Variants in ATP8B1 observed in about 807,000 individuals in gnomAD.
ATP8B1 encodes the protein ATPase phospholipid transporting 8B1, also known as phospholipid-transporting ATPase IC.
Under a neutral mutation model 149.9 loss-of-function variants are expected in ATP8B1, and 80 were observed. That is an observed-to-expected ratio of 0.53 (90% CI 0.45 to 0.64). ATP8B1 has a LOEUF of 0.64. ATP8B1 is among the 30% of genes least tolerant of loss of function. The pLI is 0.00. For synonymous variants in ATP8B1, 536 were observed against 562.8 expected (o/e 0.95, Z 0.67); for missense variants, 1,247 against 1,552.6 (o/e 0.80, Z 3.31).
chr18:57,741,603 C>T (rs1471752325), intron 1 of ATP8B1, among the ~76,000 whole-genome samples: 2 of 152,202 alleles, frequency 1.3e-5, no homozygotes, highest in South Asian at 2.1e-4. Flanking sequence ...AAGCTGTGCT[C>T]AGACACTTGA....
At chr18:57,707,447 G>A (rs1188145782) in intron 2 of ATP8B1, among the ~76,000 whole-genome samples, 2 of 152,188 alleles carry the variant, frequency 1.3e-5, no homozygotes, top group Non-Finnish European at 2.9e-5. Flanking sequence ...CAAATTGGCA[G>A]AGAAGAGAAA....
intron 15 of ATP8B1, 74 bp from the exon 16 acceptor site, chr18:57,675,096 G>A: frequency 6.7e-7 from 1 of 1,503,056 alleles, no homozygotes; most frequent in African/African-American, 1.4e-5. Context: ...GGCCTCTGCT[G>A]AGGCTCCTGT....
At position 57,649,743 on chromosome 18, in the gene ATP8B1, C is replaced by T. The variant is rs371117510; in HGVS notation, c.3531+624G>A. ...TGGGGCCCTTGGGTGAGAAGTTCCA[C>T]GGCCCCTAAGGAGCTACAGAATAGG... On this transcript the variant is annotated intron_variant, in intron 27 of 27. Coordinates refer to ENST00000648908, the MANE Select transcript of ATP8B1 (RefSeq NM_001374385.1). Among the ~76,000 whole-genome samples the T allele has an allele frequency of 5.3e-5, 8 of 152,232 alleles. No homozygotes were observed. The East Asian group carries it at 9.6e-4, about 18-fold the overall frequency.
chr18:57,661,593 AT>A, intron 21 of ATP8B1, 131 bp from the exon 22 acceptor site: 2 of 921,782 alleles, frequency 2.2e-6, no homozygotes, highest in Non-Finnish European at 3.2e-6. Context: ...AATAAATTTG[AT>A]TTTATAACCA....
rs1025077087 is a variant in ATP8B1, at chr18:57,785,265, T to A, written c.-26+17733A>T. Among the ~76,000 whole-genome samples, 84 of 152,202 alleles carry A rather than the reference T, an allele frequency of 5.5e-4. 1 individual carries two copies. Among genetic ancestry groups the A allele is most frequent in the African/African-American group, 1.8e-3 (76 of 41,440 alleles). On this transcript the variant is annotated intron_variant, in intron 1 of 27. Coordinates refer to ENST00000648908, the MANE Select transcript of ATP8B1 (RefSeq NM_001374385.1). The stretch of plus-strand genomic sequence containing the variant: ...GAGTGGATATAGGTGTTAGCTGGAT[T>A]TTCCCCTGTATGTAAATATTTCATA...
chr18:57,697,823 A>C lies in ATP8B1; in HGVS notation c.599T>G (p.Ile200Ser). The part of the protein sequence containing the change: ...KWKEIQVGDV[I>S]RLKKNDFVPA... ...AACAAAATCATTTTTTTTCAGACGA[A>C]TGACGTCTCCAACTTGAATTTCTTT... The change falls in exon 7 of 28, where the codon ATT becomes AGT. Residue 200 changes from isoleucine to serine, a missense_variant. Ile to Ser is a moderately radical substitution (Grantham distance 142). Transcript: ENST00000648908. 1 of 1,614,094 alleles carries C rather than the reference A, an allele frequency of 6.2e-7. No homozygotes were observed. The highest frequency in any genetic ancestry group is 8.5e-7 in the Non-Finnish European group (1 of 1,179,988).
intron 2 of ATP8B1, among the ~76,000 whole-genome samples, chr18:57,720,126 T>TA (rs1434310965): frequency 6.6e-5 from 10 of 150,388 alleles, no homozygotes. Context: ...CAAAAGTAGA[T>TA]AAAACCACAA....
intron 23 of ATP8B1, among the ~76,000 whole-genome samples, chr18:57,654,812 G>A (rs1020611890): frequency 3.4e-4 from 51 of 148,122 alleles, no homozygotes; most frequent in Non-Finnish European, 1.2e-4. Flanking sequence ...TCAGCCTCCC[G>A]AGTAGCTGGG....
chr18:57,658,882 A>G (rs1910199253), intron 22 of ATP8B1, among the ~76,000 whole-genome samples: 1 of 152,184 alleles, frequency 6.6e-6, no homozygotes, highest in Non-Finnish European at 1.5e-5. Context: ...CAGCTTTTAC[A>G]AAGTACATAA....
intron 15 of ATP8B1, among the ~76,000 whole-genome samples, chr18:57,676,102 G>T (rs2122758292): frequency 6.6e-6 from 1 of 152,166 alleles, no homozygotes; most frequent in East Asian, 1.9e-4. Flanking sequence ...ATACTAATTT[G>T]TTTTCCAAGA....
At chr18:57,659,118 A>G (rs1174731908) in intron 22 of ATP8B1, among the ~76,000 whole-genome samples, 1 of 152,160 alleles carries the variant, frequency 6.6e-6, no homozygotes, top group African/African-American at 2.4e-5. Context: ...TCTACAAAAA[A>G]TACAAAAATT....
intron 27 of ATP8B1, among the ~76,000 whole-genome samples, 170 bp from the exon 28 acceptor site, chr18:57,648,882 G>GTGTGTGTGTGTGTGTGTGTGTATGTGTA (rs61181992): frequency 1.7e-4 from 23 of 134,740 alleles, no homozygotes; most frequent in African/African-American, 6.3e-4. Flanking sequence ...GTGTGTGTGT[G>GTGTGTGTGTGTGTGTGTGTGTATGTGTA]TGTGTATGTG....
At chr18:57,758,693 T>C (rs1306303143) in intron 1 of ATP8B1, among the ~76,000 whole-genome samples, 3 of 151,946 alleles carry the variant, frequency 2.0e-5, no homozygotes, top group African/African-American at 7.3e-5. Context: ...TTCCTTATGT[T>C]TCCTTTTTTC....
chr18:57,782,487 C>A (rs1002184511), intron 1 of ATP8B1, among the ~76,000 whole-genome samples: 6 of 152,214 alleles, frequency 3.9e-5, no homozygotes, highest in African/African-American at 1.4e-4. Flanking sequence ...CATTCTCTGT[C>A]TTGACTACGC....
rs1337978497 is a variant in ATP8B1 at position 57,669,352 on chromosome 18, T to C, written c.2063A>G (p.Asp688Gly). 11 of 1,613,382 alleles carry C rather than the reference T, an allele frequency of 6.8e-6. No individual in the cohort carries two copies. Among genetic ancestry groups the C allele is most frequent in the Non-Finnish European group, 8.5e-6 (10 of 1,179,864 alleles). The change falls in exon 18 of 28, where the codon GAT becomes GGT. Residue 688 changes from aspartate (D) to glycine (G), a missense_variant. Physicochemically the swap from Asp to Gly is moderately conservative, Grantham distance 94. Coordinates refer to ENST00000648908, the MANE Select transcript of ATP8B1 (RefSeq NM_001374385.1). Reference protein sequence around the residue: ...VASTNRDEALDKVYEEIEKDL... With the variant: ...VASTNRDEALGKVYEEIEKDL... ...TTTTTCAATCTCCTCATATACTTTA[T>C]CCAGAGCTTCGTCCCGGTTGGTGGA...
chr18:57,725,251 T>A (rs200330732), intron 2 of ATP8B1, among the ~76,000 whole-genome samples: 23 of 144,582 alleles, frequency 1.6e-4, no homozygotes, highest in East Asian at 4.0e-4. Flanking sequence ...TAAAGTATAA[T>A]AAAAAAAAAA....
At chr18:57,656,891 G>T (rs931899239) in intron 22 of ATP8B1, among the ~76,000 whole-genome samples, 1 of 151,842 alleles carries the variant, frequency 6.6e-6, no homozygotes, top group African/African-American at 2.4e-5. Context: ...AGACAGACAC[G>T]GGGTTCCTGG....
intron 1 of ATP8B1, among the ~76,000 whole-genome samples, chr18:57,772,061 A>C (rs949451608): frequency 6.6e-6 from 1 of 152,244 alleles, no homozygotes; most frequent in African/African-American, 2.4e-5. Context: ...AACAAAACAA[A>C]AACAAAAACT....
At chr18:57,697,442 G>A (rs956348094) in intron 8 of ATP8B1, among the ~76,000 whole-genome samples, 176 bp downstream of exon 8, 2 of 151,954 alleles carry the variant, frequency 1.3e-5, no homozygotes, top group African/African-American at 4.8e-5. Context: ...GTGGAGAAAC[G>A]CAGGTAGTAA....
Sources: allele counts gnomAD v4.1 joint callset (sites outside exome capture counted in the v4.1 genomes callset), GRCh38; gene constraint gnomAD v4.1.1; transcripts MANE v1.5; gene names NCBI Gene and HGNC (gene_info 2026-07-23, HGNC 2026-07-21).